The following MACROD2 variants were observed in gnomAD, a reference collection of about 807,000 sequenced individuals.
MACROD2 encodes the protein ADP-ribose glycohydrolase MACROD2.
A neutral mutation model predicts 70.4 loss-of-function variants in MACROD2; 36 were observed. That is an observed-to-expected ratio of 0.51 (90% CI 0.39 to 0.68). MACROD2 has a LOEUF of 0.68. Ranked by LOEUF, MACROD2 falls within the 30% of genes least tolerant of loss-of-function variation. The pLI is 0.00. For synonymous variants in MACROD2, 172 were observed against 178.8 expected (o/e 0.96, Z 0.30); for missense variants, 496 against 538.4 (o/e 0.92, Z 0.78).
chr20:15,618,801 A>T (rs970154824), intron 8 of MACROD2, among the ~76,000 whole-genome samples: 2 of 152,216 alleles, frequency 1.3e-5, no homozygotes, highest in African/African-American at 4.8e-5. Context: ...TGATTTATCA[A>T]GACAGGGGAC....
At chr20:15,472,088 T>G (rs545143157) in intron 7 of MACROD2, among the ~76,000 whole-genome samples, 3 of 152,342 alleles carry the variant, frequency 2.0e-5, no homozygotes, top group Middle Eastern at 3.4e-3. Flanking sequence ...CATCTTCCTC[T>G]TTCCTGATCC....
chr20:15,118,295 C>T (rs1009496792), intron 5 of MACROD2, among the ~76,000 whole-genome samples: 15 of 150,378 alleles, frequency 1.0e-4, no homozygotes, highest in African/African-American at 3.7e-4. Flanking sequence ...CAGGTTGAAG[C>T]GACTCTCCTT....
intron 10 of MACROD2, among the ~76,000 whole-genome samples, chr20:15,889,249 G>A (rs1391950843): frequency 6.6e-6 from 1 of 152,132 alleles, no homozygotes; most frequent in Non-Finnish European, 1.5e-5. Flanking sequence ...GGTACAATTA[G>A]CTCGTGTGAG....
At chr20:14,233,049 A>G (rs2081833046) in intron 3 of MACROD2, among the ~76,000 whole-genome samples, 1 of 152,212 alleles carries the variant, frequency 6.6e-6, no homozygotes, top group Non-Finnish European at 1.5e-5. Context: ...GATATGGATA[A>G]TGGCTGGTCA....
intron 15 of MACROD2, among the ~76,000 whole-genome samples, chr20:16,005,397 T>C (rs879828869): frequency 2.6e-5 from 4 of 152,164 alleles, no homozygotes; most frequent in Non-Finnish European, 5.9e-5. Context: ...CTGTTTGCCA[T>C]ATTGAATCAA....
intron 4 of MACROD2, among the ~76,000 whole-genome samples, chr20:14,546,080 A>C (rs1325429665): frequency 6.6e-6 from 1 of 152,238 alleles, no homozygotes; most frequent in Admixed American, 6.5e-5. Context: ...TACATTAGCT[A>C]TAACTATGTT....
chr20:15,360,874 T>C (rs2078343849), intron 6 of MACROD2, among the ~76,000 whole-genome samples: 3 of 152,062 alleles, frequency 2.0e-5, no homozygotes, highest in Non-Finnish European at 2.9e-5. Context: ...GAGATATCTC[T>C]TTATGTCCTT....
intron 8 of MACROD2, among the ~76,000 whole-genome samples, chr20:15,590,450 C>T (rs1686490160): frequency 6.6e-6 from 1 of 152,184 alleles, no homozygotes; most frequent in Non-Finnish European, 1.5e-5. Flanking sequence ...GAGCTTCTAG[C>T]CTCACTAAGT....
intron 5 of MACROD2, among the ~76,000 whole-genome samples, chr20:15,104,559 G>T (rs6110518): frequency 0.15 from 22,586 of 152,100 alleles, 2,753 homozygotes; most frequent in African/African-American, 0.32. Context: ...GAATAAGTGC[G>T]TTTGATACTT....
At chr20:14,773,878 A>G (rs561231786) in intron 5 of MACROD2, among the ~76,000 whole-genome samples, 1 of 152,092 alleles carries the variant, frequency 6.6e-6, no homozygotes, top group Non-Finnish European at 1.5e-5. Flanking sequence ...TGATGTAGCT[A>G]TACTTACTTT....
intron 8 of MACROD2, among the ~76,000 whole-genome samples, chr20:15,656,152 T>C (rs2049727477): frequency 6.6e-6 from 1 of 152,186 alleles, no homozygotes; most frequent in Non-Finnish European, 1.5e-5. Context: ...TCATGAGTGA[T>C]AGTGCTGGGG....
At chr20:15,844,221 C>G (rs1052554624) in intron 8 of MACROD2, among the ~76,000 whole-genome samples, 2 of 151,940 alleles carry the variant, frequency 1.3e-5, no homozygotes, top group African/African-American at 4.8e-5. Flanking sequence ...TATACAAATT[C>G]CCTAGGAGGA....
intron 5 of MACROD2, among the ~76,000 whole-genome samples, chr20:14,715,442 G>A (rs1422224891): frequency 6.6e-6 from 1 of 152,118 alleles, no homozygotes; most frequent in African/African-American, 2.4e-5. Flanking sequence ...AATACATTTG[G>A]CACTGATTTT....
intron 6 of MACROD2, among the ~76,000 whole-genome samples, chr20:15,299,945 A>T (rs1396481474): frequency 6.6e-6 from 1 of 152,170 alleles, no homozygotes. Context: ...GAGTAGAAAC[A>T]TCTAGCTTTT....
intron 2 of MACROD2, among the ~76,000 whole-genome samples, chr20:14,027,161 C>T (rs2053180136): frequency 6.6e-6 from 1 of 152,132 alleles, no homozygotes; most frequent in Non-Finnish European, 1.5e-5. Context: ...CATTCCTTTT[C>T]ATTCTTTTTT....
At chr20:14,579,566 G>C (rs901019346) in intron 4 of MACROD2, among the ~76,000 whole-genome samples, 1 of 152,158 alleles carries the variant, frequency 6.6e-6, no homozygotes, top group Non-Finnish European at 1.5e-5. Context: ...CGATATTTGA[G>C]TAATACATTT....
chr20:14,881,751 A>G (rs1359811512), intron 5 of MACROD2, among the ~76,000 whole-genome samples: 14 of 152,158 alleles, frequency 9.2e-5, no homozygotes. Context: ...TCTGGCTGAG[A>G]TGCATGTGCC....
chr20:14,621,946 T>C (rs936075223), intron 4 of MACROD2: 2 of 152,104 alleles, frequency 1.3e-5, no homozygotes, highest in African/African-American at 4.8e-5. Flanking sequence ...TTTAACAAAA[T>C]AATTTAACAT....
chr20:15,674,615 C>A (rs565166850), intron 8 of MACROD2, among the ~76,000 whole-genome samples: 1 of 152,050 alleles, frequency 6.6e-6, no homozygotes, highest in African/African-American at 2.4e-5. Context: ...TGCCCTCTAT[C>A]AGTCTCTGCT....
Sources: gnomAD v4.1 joint callset for allele counts (sites outside exome capture counted in the v4.1 genomes callset) on GRCh38, gnomAD v4.1.1 for gene constraint, MANE v1.5 for transcripts, NCBI Gene and HGNC (gene_info 2026-07-23, HGNC 2026-07-21) for gene names.